The following CAMKMT variants were observed in gnomAD, a reference collection of about 807,000 sequenced individuals.
The protein encoded by CAMKMT is calmodulin-lysine N-methyltransferase.
Under a neutral mutation model 48.0 loss-of-function variants are expected in CAMKMT, and 53 were observed. The ratio of observed to expected loss-of-function variants is 1.10; its 90% CI spans 0.89 to 1.39. The LOEUF is 1.39. Ranked by LOEUF, CAMKMT falls within the 40% of genes most tolerant of loss-of-function variation. The pLI, the probability that CAMKMT is intolerant of heterozygous loss-of-function variation, is 0.00. For synonymous variants in CAMKMT, 165 were observed against 152.3 expected (o/e 1.08, Z -0.61); for missense variants, 428 against 402.7 (o/e 1.06, Z -0.54).
chr2:44,376,594 C>T (rs915226217), intron 2 of CAMKMT, among the ~76,000 whole-genome samples: 2 of 152,078 alleles, frequency 1.3e-5, no homozygotes, highest in Admixed American at 6.6e-5. Context: ...TTAGTTTTGT[C>T]TATCTTAAAC....
intron 3 of CAMKMT, among the ~76,000 whole-genome samples, chr2:44,497,884 A>G (rs1038642086): frequency 2.0e-5 from 3 of 152,082 alleles, no homozygotes; most frequent in African/African-American, 7.2e-5. Flanking sequence ...TTCTTACCAG[A>G]AGAGAAATCT....
chr2:44,611,496 C>G (rs1408552634), intron 3 of CAMKMT, among the ~76,000 whole-genome samples: 3 of 147,104 alleles, frequency 2.0e-5, no homozygotes, highest in Non-Finnish European at 4.4e-5. Context: ...ACAATTTTGA[C>G]TACAATTAAT....
intron 3 of CAMKMT, among the ~76,000 whole-genome samples, chr2:44,431,882 G>A (rs1160248302): frequency 1.3e-5 from 2 of 152,162 alleles, no homozygotes; most frequent in Non-Finnish European, 1.5e-5. Flanking sequence ...AGTGTTCAGA[G>A]AAGAAATCAA....
intron 3 of CAMKMT, among the ~76,000 whole-genome samples, chr2:44,588,408 C>G (rs1670030699): frequency 4.2e-5 from 1 of 23,646 alleles, no homozygotes; most frequent in Non-Finnish European, 8.3e-5. Flanking sequence ...TCTGCCCGGC[C>G]AGCCGCCCCG....
intron 3 of CAMKMT, among the ~76,000 whole-genome samples, chr2:44,410,090 C>G (rs893591295): frequency 4.0e-5 from 6 of 151,386 alleles, no homozygotes; most frequent in African/African-American, 7.3e-5. Flanking sequence ...TTTTATATAT[C>G]TGTAGAAAAG....
intron 3 of CAMKMT, among the ~76,000 whole-genome samples, chr2:44,695,664 A>C (rs1421868995): frequency 6.6e-6 from 1 of 152,216 alleles, no homozygotes; most frequent in African/African-American, 2.4e-5. Context: ...AACCCACGTG[A>C]ATGACACATT....
At chr2:44,611,561 T>C (rs1413087455) in intron 3 of CAMKMT, among the ~76,000 whole-genome samples, 1 of 152,176 alleles carries the variant, frequency 6.6e-6, no homozygotes, top group Non-Finnish European at 1.5e-5. Context: ...GCAGTTTTAA[T>C]TTAAGAACTC....
chr2:44,526,502 C>T (rs1391031908), intron 3 of CAMKMT, among the ~76,000 whole-genome samples: 1 of 152,146 alleles, frequency 6.6e-6, no homozygotes, highest in Non-Finnish European at 1.5e-5. Flanking sequence ...CCAGTCCAGG[C>T]CCTAGGGACC....
chr2:44,707,564 A>G lies in CAMKMT; in HGVS notation c.556+102A>G, dbSNP rs1397356353. 4 of 919,826 alleles carry G rather than the reference A, an allele frequency of 4.3e-6. No individual in the cohort carries two copies. In the African/African-American group the frequency reaches 6.8e-5, roughly 16 times the overall value. 57.0% of individuals were successfully genotyped at this position (919,826 alleles called of 1,614,324 possible). A position where few individuals can be genotyped will look rare whatever the true frequency, so the allele number is the denominator to read the frequency against. On this transcript the variant is annotated intron_variant, in intron 6 of 10. Coordinates refer to ENST00000378494, the MANE Select transcript of CAMKMT (RefSeq NM_024766.5). Reference sequence around the variant, plus strand: ...AAGACAGCATGGGGTATTAAAAGAGAGTTTCCCCCCTACATACATGATAAG... The same window carrying G: ...AAGACAGCATGGGGTATTAAAAGAGGGTTTCCCCCCTACATACATGATAAG...
At chr2:44,762,658 AAAAAT>A (rs745593688) in intron 9 of CAMKMT, among the ~76,000 whole-genome samples, 2 of 152,222 alleles carry the variant, frequency 1.3e-5, no homozygotes, top group African/African-American at 2.4e-5. Flanking sequence ...AAGTATAATA[AAAAAT>A]AAAATAAAAA....
intron 3 of CAMKMT, among the ~76,000 whole-genome samples, chr2:44,600,297 C>T (rs1018341579): frequency 1.3e-5 from 2 of 151,724 alleles, no homozygotes; most frequent in East Asian, 1.9e-4. Flanking sequence ...GACAGAGTGT[C>T]GCTCTGTTGC....
At position 44,577,973 on chromosome 2, in the gene CAMKMT, A is replaced by C. The variant is rs190875753; in HGVS notation, c.377-126310A>C. On this transcript the variant is annotated intron_variant, in intron 3 of 10. Coordinates refer to ENST00000378494, the MANE Select transcript of CAMKMT (RefSeq NM_024766.5). Reference sequence around the variant, plus strand: ...TTATTATTCTTCATCCAAAAAGTATAAAAGCATCTTGCTTTGGCCACTTCT... The same window carrying C: ...TTATTATTCTTCATCCAAAAAGTATCAAAGCATCTTGCTTTGGCCACTTCT... Among the ~76,000 whole-genome samples, 59 of 152,338 alleles carry C rather than the reference A, an allele frequency of 3.9e-4. 1 individual carries two copies. The highest frequency in any genetic ancestry group is 2.2e-3 in the Admixed American group (33 of 15,304).
chr2:44,418,459 C>T lies in CAMKMT; in HGVS notation c.376+28154C>T, dbSNP rs148476524. Among the ~76,000 whole-genome samples the T allele has an allele frequency of 4.7e-3, 710 of 152,020 alleles. 8 individuals carry two copies. Among genetic ancestry groups the T allele is most frequent in the African/African-American group, 0.016 (649 of 41,474 alleles). On this transcript the variant is annotated intron_variant, in intron 3 of 10. Coordinates refer to ENST00000378494, the MANE Select transcript of CAMKMT (RefSeq NM_024766.5). Reference sequence around the variant, plus strand: ...TTGTTTTTGTTGTTGTTGTTTTTCACGTGGGTATTTGGTTGTTTTGGTATC... The same window carrying T: ...TTGTTTTTGTTGTTGTTGTTTTTCATGTGGGTATTTGGTTGTTTTGGTATC...
chr2:44,551,154 G>T (rs1558696323), intron 3 of CAMKMT, among the ~76,000 whole-genome samples: 1 of 151,988 alleles, frequency 6.6e-6, no homozygotes, highest in Non-Finnish European at 1.5e-5. Context: ...TGTTTAATGG[G>T]GCAGAAACCC....
At chr2:44,691,622 A>T (rs751846336) in intron 3 of CAMKMT, among the ~76,000 whole-genome samples, 12 of 152,096 alleles carry the variant, frequency 7.9e-5, no homozygotes, top group Non-Finnish European at 1.8e-4. Flanking sequence ...CTCTCAGCTC[A>T]GGTCAGTTGG....
intron 3 of CAMKMT, among the ~76,000 whole-genome samples, chr2:44,514,750 CTT>C (rs2104779375): frequency 6.6e-6 from 1 of 152,244 alleles, no homozygotes; most frequent in South Asian, 2.1e-4. Flanking sequence ...ATAGGAGAAA[CTT>C]TTGAAAGATA....
At chr2:44,378,922 C>T (rs1384349008) in intron 2 of CAMKMT, among the ~76,000 whole-genome samples, 1 of 152,206 alleles carries the variant, frequency 6.6e-6, no homozygotes, top group Non-Finnish European at 1.5e-5. Context: ...ATACAATTTA[C>T]ATAACAAAAT....
At chr2:44,742,920 A>G (rs943878589) in intron 7 of CAMKMT, among the ~76,000 whole-genome samples, 2 of 152,260 alleles carry the variant, frequency 1.3e-5, no homozygotes, top group Non-Finnish European at 2.9e-5. Flanking sequence ...AAGACGAATC[A>G]TTAAAATACT....
At chr2:44,430,324 A>T (rs1039866159) in intron 3 of CAMKMT, among the ~76,000 whole-genome samples, 1 of 151,970 alleles carries the variant, frequency 6.6e-6, no homozygotes, top group African/African-American at 2.4e-5. Context: ...GGAGTCAGGT[A>T]ATAATGTTTG....
Sources: gnomAD v4.1 joint callset for allele counts (sites outside exome capture counted in the v4.1 genomes callset) on GRCh38, gnomAD v4.1.1 for gene constraint, MANE v1.5 for transcripts, NCBI Gene and HGNC (gene_info 2026-07-23, HGNC 2026-07-21) for gene names.